Variants in MYH7 observed in about 807,000 individuals in gnomAD.
MYH7 encodes myosin heavy chain 7.
MYH7 carries 129 observed loss-of-function variants against 225.4 expected under a neutral mutation model. The observed-to-expected ratio is 0.57, with a 90% CI of 0.50 to 0.66. The LOEUF (loss-of-function observed/expected upper bound fraction) is 0.66, where lower values mean the gene tolerates loss of function less well. Among genes scored for constraint, MYH7 ranks in the 30% least tolerant of loss-of-function variants. MYH7 has a pLI of 0.00. For missense variants in MYH7, 1,649 were observed against 2,517.0 expected, an observed-to-expected ratio of 0.66 and a Z score of 7.38; for synonymous variants, 971 against 1,007.6, an observed-to-expected ratio of 0.96 and a Z score of 0.69.
Position 23,417,391 on chromosome 14 carries a change from C to T in MYH7, c.4354-73G>A. The T allele has an allele frequency of 2.5e-6, 4 of 1,611,662 alleles. No homozygotes were observed. The South Asian group carries it at 4.4e-5, about 18-fold the overall frequency. ...TGTCCAGGGTCTGTCTCAGGACCTG[C>T]CTGGGCTCAGCCCTCCTCCCCCACC... On this transcript the variant is annotated intron_variant, in intron 31 of 39. Coordinates refer to ENST00000355349, the MANE Select transcript of MYH7 (RefSeq NM_000257.4).
rs1486780730 is a variant in MYH7 at position 23,418,420 on chromosome 14, G to A, written c.3973-14C>T. ...GGCGTTCTTCGCCTGGGGAGGGGTG[G>A]GCACCAGGAGGTGGGTTCAGCTTTC... On this transcript the variant is annotated splice_polypyrimidine_tract_variant and intron_variant, in intron 29 of 39. Transcript: ENST00000355349. The A allele has an allele frequency of 1.9e-6, 3 of 1,597,782 alleles. No individual in the cohort carries two copies. Among genetic ancestry groups the A allele is most frequent in the Non-Finnish European group, 2.6e-6 (3 of 1,171,110 alleles).
chr14:23,419,557 C>A lies in MYH7; in HGVS notation c.3779G>T (p.Arg1260Leu). ...ACGCTGGGTCTCCTCCGCCTTGCTC[C>A]GGTGCTCATTCATCTGGTCTTCCAA... is the stretch of plus-strand genomic sequence containing the variant. ...RTLEDQMNEHRSKAEETQRSV... is the reference protein window; with the variant it reads ...RTLEDQMNEHLSKAEETQRSV... Residue 1260 changes from arginine to leucine, a missense_variant, in exon 28 of 40, where the codon CGG (arginine) becomes CTG (leucine). Around this residue, in one of 12 missense-constraint regions of MYH7, gnomAD observed 687 missense variants for 913.8 expected, o/e 0.75. Transcript: ENST00000355349. The A allele has an allele frequency of 6.2e-7, 1 of 1,613,902 alleles. No individual in the cohort carries two copies. The highest frequency in any genetic ancestry group is 1.1e-5 in the South Asian group (1 of 91,068).
Position 23,420,004 on chromosome 14 carries a change from G to A in MYH7, c.3567C>T (p.Ala1189=), listed in dbSNP as rs1165812799. The change falls in exon 27 of 40, where the codon GCC becomes GCT. Residue 1189 remains alanine (A), a synonymous_variant. Coordinates refer to ENST00000355349, the MANE Select transcript of MYH7 (RefSeq NM_000257.4). ...EEATLQHEAT[A]AALRKKHADS... is the part of the protein sequence containing the mutation. ...CGGCGTGCTTCTTGCGCAGGGCCGCGGCAGTGGCCTCGTGCTGCAGCGTGG... is the reference window on the plus strand; with the variant it reads ...CGGCGTGCTTCTTGCGCAGGGCCGCAGCAGTGGCCTCGTGCTGCAGCGTGG... 2 of 1,593,040 alleles carry A rather than the reference G, an allele frequency of 1.3e-6. No individual in the cohort carries two copies. Among genetic ancestry groups the A allele is most frequent in the Non-Finnish European group, 1.7e-6 (2 of 1,165,906 alleles).
At position 23,413,899 on chromosome 14, in the gene MYH7, G is replaced by T. The variant is rs1289270339; in HGVS notation, c.5656-6C>A. On this transcript the variant is annotated splice_polypyrimidine_tract_variant and splice_region_variant and intron_variant, in intron 38 of 39. Coordinates refer to ENST00000355349, the MANE Select transcript of MYH7 (RefSeq NM_000257.4). ...TTGGTGTTGGCTTGCTCCTCCTGCG[G>T]GAGGTGGGAGCATGAGGTGAGAGGG... 6.2e-7 allele frequency: 1 copy of T among 1,614,272 alleles called. No homozygotes were observed. The highest frequency in any genetic ancestry group is 1.3e-5 in the African/African-American group (1 of 75,070).
rs140244068 is a variant in MYH7 at position 23,423,688 on chromosome 14, A to G, written c.2958T>C (p.Asp986=). ...KNLTEEMAGL[D]EIIAKLTKEK... is the part of the protein sequence containing the mutation. ...CCTTGGTCAGCTTGGCAATGATCTC[A>G]TCCAGCCCAGCCATCTCCTCTGTCA... Residue 986 remains aspartate, a synonymous_variant, in exon 24 of 40, where the codon GAT becomes GAC. Transcript: ENST00000355349. 2.5e-6 allele frequency: 4 copies of G among 1,610,212 alleles called. No individual in the cohort carries two copies. Among genetic ancestry groups the G allele is most frequent in the Non-Finnish European group, 3.4e-6 (4 of 1,176,692 alleles).
intron 33 of MYH7, 146 bp downstream of exon 33, chr14:23,416,722 T>C: frequency 7.7e-7 from 1 of 1,298,524 alleles, no homozygotes; most frequent in Non-Finnish European, 1.1e-6. Context: ...TCCACAAATC[T>C]TCACTGAATG....
At position 23,425,253 on chromosome 14, in the gene MYH7, G is replaced by A. The variant is rs1892647106; in HGVS notation, c.2423+29C>T. ...CTGAACCAGCCTGGGCCTCAGAGAAGCGGGAAACCTCCTCTTGAGATCTCT... is the reference window on the plus strand; with the variant it reads ...CTGAACCAGCCTGGGCCTCAGAGAAACGGGAAACCTCCTCTTGAGATCTCT... On this transcript the variant is annotated intron_variant, in intron 21 of 39. Transcript: ENST00000355349. The surrounding 1 kb of genome is among the most constrained non-coding windows in gnomAD (Gnocchi z 4.6). 7 of 1,614,040 alleles carry A rather than the reference G, an allele frequency of 4.3e-6. No homozygotes were observed. Among genetic ancestry groups the A allele is most frequent in the African/African-American group, 1.3e-5 (1 of 74,920 alleles).
At chr14:23,413,660 T>C in intron 39 of MYH7, 99 bp downstream of exon 39, 1 of 1,529,906 alleles carries the variant, frequency 6.5e-7, no homozygotes, top group South Asian at 1.2e-5. Flanking sequence ...GGCTCAAGTG[T>C]GTGGAATAAA....
At position 23,415,604 on chromosome 14, in the gene MYH7, A is replaced by AGGAATGAGCAGGGGAGCTGCTCACCTG; in HGVS notation, c.5155_5157+24dup. 6.2e-7 allele frequency: 1 copy of AGGAATGAGCAGGGGAGCTGCTCACCTG among 1,613,700 alleles called. No homozygotes were observed. The highest frequency in any genetic ancestry group is 8.5e-7 in the Non-Finnish European group (1 of 1,180,018). On this transcript the variant is annotated intron_variant, in intron 35 of 39. Coordinates refer to ENST00000355349, the MANE Select transcript of MYH7 (RefSeq NM_000257.4). This position sits in a 1 kb window ranked among gnomAD's most constrained non-coding sequence, Gnocchi z 6.3. ...CTGAGCCCCAGCCTGTGCTCCCTTC[A>AGGAATGAGCAGGGGAGCTGCTCACCTG]GGAATGAGCAGGGGAGCTGCTCACC...
chr14:23,415,877 T>G lies in MYH7; in HGVS notation c.4954-45A>C. On this transcript the variant is annotated intron_variant, in intron 34 of 39. Coordinates refer to ENST00000355349, the MANE Select transcript of MYH7 (RefSeq NM_000257.4). This position sits in a 1 kb window ranked among gnomAD's most constrained non-coding sequence, Gnocchi z 6.3. ...GCATGAGCAGGGAGCCAGCCTCGGT[T>G]CCCTTCACTAAAGGCACCTGTCAGA... is the stretch of plus-strand genomic sequence containing the variant. The G allele has an allele frequency of 1.2e-6, 2 of 1,613,804 alleles. No individual in the cohort carries two copies. The highest frequency in any genetic ancestry group is 1.7e-6 in the Non-Finnish European group (2 of 1,179,810).
intron 15 of MYH7, 147 bp downstream of exon 15, chr14:23,428,352 GC>G: frequency 7.4e-7 from 1 of 1,352,102 alleles, no homozygotes; most frequent in Non-Finnish European, 1.0e-6. Context: ...TGGGTGCTCA[GC>G]ACAACATAGG....
At chr14:23,434,328 C>A (rs866711704) in intron 1 of MYH7, 79 bp from the exon 2 acceptor site, 1 of 944,944 alleles carries the variant, frequency 1.1e-6, no homozygotes, top group South Asian at 4.8e-5. Context: ...CTCCCTGGCT[C>A]TGTTCTTCAG....
At chr14:23,417,046 G>A (rs1211499937) in intron 32 of MYH7, 54 bp from the exon 33 acceptor site, 8 of 1,613,972 alleles carry the variant, frequency 5.0e-6, no homozygotes, top group African/African-American at 2.7e-5. Flanking sequence ...CAGTGGAGTT[G>A]GAGGGACACG....
chr14:23,430,699 C>T (rs1892894989), intron 10 of MYH7, 36 bp from the exon 11 acceptor site: 4 of 1,563,984 alleles, frequency 2.6e-6, no homozygotes, highest in Non-Finnish European at 1.8e-6. Context: ...GGGACACAAG[C>T]CCCCGGCTCT....
In MYH7 at chr14:23,419,160, C is replaced by G; in HGVS notation, c.3972+17G>C. Reference sequence around the variant, plus strand: ...GTGCTCCTTGCTTGGGCCAGGTGGCCCGAGTCTAGCCCTTACCTTAACCTC... The same window carrying G: ...GTGCTCCTTGCTTGGGCCAGGTGGCGCGAGTCTAGCCCTTACCTTAACCTC... On this transcript the variant is annotated intron_variant, in intron 29 of 39. Transcript: ENST00000355349. 1.2e-6 allele frequency: 2 copies of G among 1,612,754 alleles called. No individual in the cohort carries two copies. The highest frequency in any genetic ancestry group is 2.2e-5 in the South Asian group (2 of 91,042).
In MYH7 at chr14:23,424,861, G is replaced by A. The variant is rs1595082485; in HGVS notation, c.2587C>T (p.Leu863=). The change falls in exon 22 of 40, where the codon CTA becomes TTA. Residue 863 remains leucine, a synonymous_variant. Coordinates refer to ENST00000355349, the MANE Select transcript of MYH7 (RefSeq NM_000257.4). Reference sequence around the variant, plus strand: ...TTGCGGCGAGCCTCGGACTTCTCTAGCGCCTCTTTGAGGCGTGTGAACTCC... The same window carrying A: ...TTGCGGCGAGCCTCGGACTTCTCTAACGCCTCTTTGAGGCGTGTGAACTCC... ...KEEFTRLKEA[L]EKSEARRKEL... 12 of 1,614,098 alleles carry A rather than the reference G, an allele frequency of 7.4e-6. No individual in the cohort carries two copies. The highest frequency in any genetic ancestry group is 1.3e-5 in the African/African-American group (1 of 74,918).
At position 23,417,509 on chromosome 14, in the gene MYH7, G is replaced by C. The variant is rs182311329; in HGVS notation, c.4347C>G (p.Phe1449Leu). 4 of 1,612,170 alleles carry C rather than the reference G, an allele frequency of 2.5e-6. No homozygotes were observed. The highest frequency in any genetic ancestry group is 3.4e-6 in the Non-Finnish European group (4 of 1,180,040). Residue 1449 changes from phenylalanine (F) to leucine (L), a missense_variant, in exon 31 of 40, where the codon TTC (phenylalanine) becomes TTG (leucine). Phe to Leu is a conservative substitution (Grantham distance 22, BLOSUM62 0). This residue lies in a region of MYH7 where 687 missense variants were observed against 913.8 expected (regional missense o/e 0.75). Coordinates refer to ENST00000355349, the MANE Select transcript of MYH7 (RefSeq NM_000257.4). ...AAALDKKQRNFDKILAEWKQK... is the reference protein window; with the variant it reads ...AAALDKKQRNLDKILAEWKQK... Reference sequence around the variant, plus strand: ...GCCCCCACCCAGGGCCCACCTTGTCGAAGTTCCTCTGCTTCTTGTCCAGGG... The same window carrying C: ...GCCCCCACCCAGGGCCCACCTTGTCCAAGTTCCTCTGCTTCTTGTCCAGGG...
At position 23,425,883 on chromosome 14, in the gene MYH7, A is replaced by G. The variant is rs1595083688; in HGVS notation, c.2163-65T>C. On this transcript the variant is annotated intron_variant, in intron 19 of 39. Transcript: ENST00000355349. The surrounding 1 kb of genome is among the most constrained non-coding windows in gnomAD (Gnocchi z 4.6). ...TGATCTGCTCTGCCCATAGAATTCC[A>G]GGGTCACCTGCAGATCCCATTCCCA... is the stretch of plus-strand genomic sequence containing the variant. 1 of 1,613,014 alleles carries G rather than the reference A, an allele frequency of 6.2e-7. No individual in the cohort carries two copies. The highest frequency in any genetic ancestry group is 1.3e-5 in the African/African-American group (1 of 75,008).
chr14:23,414,991 G>C lies in MYH7; in HGVS notation c.5559+4C>G. 1 of 1,606,108 alleles carries C rather than the reference G, an allele frequency of 6.2e-7. No individual in the cohort carries two copies. The highest frequency in any genetic ancestry group is 8.5e-7 in the Non-Finnish European group (1 of 1,179,978). On this transcript the variant is annotated splice_donor_region_variant and intron_variant, in intron 37 of 39. Transcript: ENST00000355349. ...GCTCTGCCTGGAGTCACCGCCCGTC[G>C]CACCTGGTAGGTGAGCTCCTTGATG...
Sources: gnomAD v4.1 joint callset for allele counts on GRCh38, gnomAD v4.1.1 for gene constraint, gnomAD v4.1.1 regional missense constraint, Gnocchi (gnomAD v3.1) non-coding constraint, MANE v1.5 for transcripts, NCBI Gene and HGNC (gene_info 2026-07-23, HGNC 2026-07-21) for gene names.